FCRL5: variants seen among roughly 807,000 people sequenced by gnomAD.
FCRL5 encodes the protein Fc receptor like 5.
FCRL5 carries 79 observed loss-of-function variants against 92.1 expected under a neutral mutation model. The ratio of observed to expected loss-of-function variants is 0.86; its 90% confidence interval spans 0.72 to 1.03. The LOEUF (loss-of-function observed/expected upper bound fraction) is 1.03, where lower values mean the gene tolerates loss of function less well. FCRL5 is among the 50% of genes least tolerant of loss of function. The probability of loss-of-function intolerance (pLI) is 0.00; values close to 1 mark genes in which losing one functional copy is unlikely to be tolerated. For synonymous variants in FCRL5, 466 were observed against 469.3 expected (o/e 0.99, Z 0.09); for missense variants, 1,160 against 1,181.1 (o/e 0.98, Z 0.26).
At chr1:157,534,513 T>C in intron 8 of FCRL5, 101 bp downstream of exon 8, 1 of 1,400,508 alleles carries the variant, frequency 7.1e-7, no homozygotes, top group Admixed American at 1.7e-5. Flanking sequence ...GGGATTAAGT[T>C]GATTAGGGGA....
rs770615624 is a variant in FCRL5, at chr1:157,534,369, G to T, written c.1681+245C>A. The stretch of plus-strand genomic sequence containing the variant: ...CGTACTGTTGGAACATACAAGGAAT[G>T]AGGAGAAAATACAATAAATAAATTC... On this transcript the variant is annotated intron_variant, in intron 8 of 16. Coordinates refer to ENST00000361835, the MANE Select transcript of FCRL5 (RefSeq NM_031281.3). 3.2e-4 allele frequency: 227 copies of T among 715,688 alleles called. 2 individuals are homozygous for T. In the African/African-American group the frequency reaches 3.4e-3, roughly 11 times the overall value. 44.3% of individuals were successfully genotyped at this position (715,688 alleles called of 1,614,324 possible).
At chr1:157,529,840 A>G (rs2101614857) in intron 8 of FCRL5, among the ~76,000 whole-genome samples, 1 of 152,328 alleles carries the variant, frequency 6.6e-6, no homozygotes, top group Non-Finnish European at 1.5e-5. Context: ...GGTGATGGAT[A>G]AAGTACTACA....
rs1490955450 is a variant in FCRL5 at position 157,514,682 on chromosome 1, A to G, written c.*993T>C. On this transcript the variant is annotated 3_prime_UTR_variant, in exon 17 of 17. Coordinates refer to ENST00000361835, the MANE Select transcript of FCRL5 (RefSeq NM_031281.3). ...CTCTACGCAGACCCACTGAATCAGT[A>G]TCTGTATTTTCACAGGATCCTCAGG... 2 of 152,294 alleles carry G rather than the reference A, an allele frequency of 1.3e-5. No individual in the cohort carries two copies. The highest frequency in any genetic ancestry group is 2.9e-5 in the Non-Finnish European group (2 of 68,090). 9.4% of individuals were successfully genotyped at this position (152,294 alleles called of 1,614,324 possible). A position where few individuals can be genotyped will look rare whatever the true frequency, so the allele number is the denominator to read the frequency against.
chr1:157,523,948 C>A (rs534682110), intron 10 of FCRL5: 2 of 397,938 alleles, frequency 5.0e-6, no homozygotes, highest in Middle Eastern at 6.4e-4. Context: ...ATCCTTTCTA[C>A]GGCAGAGAAA....
At chr1:157,541,915 C>T (rs1467703131) in intron 6 of FCRL5, 2 of 152,324 alleles carry the variant, frequency 1.3e-5, no homozygotes, top group Admixed American at 6.5e-5. Flanking sequence ...ATGTCACTGT[C>T]TCCACTTTCT....
At chr1:157,541,658 G>A (rs1651265737) in intron 6 of FCRL5, among the ~76,000 whole-genome samples, 3 of 152,198 alleles carry the variant, frequency 2.0e-5, no homozygotes, top group Admixed American at 2.0e-4. Flanking sequence ...AGATTGGCAT[G>A]CCTTTCCATC....
chr1:157,516,596 GTATT>G (rs1318356251), intron 15 of FCRL5, among the ~76,000 whole-genome samples: 1 of 152,162 alleles, frequency 6.6e-6, no homozygotes, highest in Non-Finnish European at 1.5e-5. Context: ...CAAATATAGT[GTATT>G]TATTTATCGC....
Position 157,552,471 on chromosome 1 carries a change from C to G in FCRL5, c.-109G>C, listed in dbSNP as rs113006596. 4.4e-6 allele frequency: 5 copies of G among 1,130,118 alleles called. No homozygotes were observed. Among genetic ancestry groups the G allele is most frequent in the Non-Finnish European group, 6.7e-6 (5 of 743,364 alleles). The allele number at this position is 1,130,118 out of a possible 1,614,324, so 70.0% of individuals were successfully genotyped here. Reference sequence around the variant, plus strand: ...GACACTGCACACCAGCTCCAAGGAGCACATCTGAGAAGCTGTGCTCTCAAA... The same window carrying G: ...GACACTGCACACCAGCTCCAAGGAGGACATCTGAGAAGCTGTGCTCTCAAA... On this transcript the variant is annotated 5_prime_UTR_variant, in exon 1 of 17. Coordinates refer to ENST00000361835, the MANE Select transcript of FCRL5 (RefSeq NM_031281.3).
In FCRL5 at chr1:157,517,751, C is replaced by T. The variant is rs142759923; in HGVS notation, c.2812+678G>A. Among the ~76,000 whole-genome samples the T allele has an allele frequency of 9.9e-5, 15 of 152,272 alleles. No homozygotes were observed. The East Asian group carries it at 2.1e-3, about 22-fold the overall frequency. On this transcript the variant is annotated intron_variant, in intron 15 of 16. Coordinates refer to ENST00000361835, the MANE Select transcript of FCRL5 (RefSeq NM_031281.3). Reference sequence around the variant, plus strand: ...CCCCCAAATTTATGGTCATTTGTCACAGCAGCAATCAGAAACTAGTACAGG... The same window carrying T: ...CCCCCAAATTTATGGTCATTTGTCATAGCAGCAATCAGAAACTAGTACAGG...
At chr1:157,544,588 G>T in intron 4 of FCRL5, 42 bp from the exon 5 acceptor site, 1 of 1,597,782 alleles carries the variant, frequency 6.3e-7, no homozygotes, top group Non-Finnish European at 8.6e-7. Context: ...AATGAGGCTG[G>T]AACTGCTTTG....
intron 10 of FCRL5, chr1:157,522,587 C>T (rs1342020067): frequency 2.0e-5 from 3 of 152,198 alleles, no homozygotes; most frequent in African/African-American, 7.2e-5. Context: ...CTGGTGAAGG[C>T]TCAGTGAGTG....
At chr1:157,536,640 C>A (rs1162972914) in intron 7 of FCRL5, among the ~76,000 whole-genome samples, 2 of 152,232 alleles carry the variant, frequency 1.3e-5, no homozygotes, top group African/African-American at 2.4e-5. Context: ...CTTCCCCAAC[C>A]TTATCTTGTG....
At chr1:157,537,703 C>T (rs1052736981) in intron 7 of FCRL5, among the ~76,000 whole-genome samples, 3 of 152,136 alleles carry the variant, frequency 2.0e-5, no homozygotes, top group South Asian at 2.1e-4. Context: ...CATGTGATGT[C>T]GCCCCCGGAC....
chr1:157,540,272 C>T (rs1651195342), intron 6 of FCRL5, among the ~76,000 whole-genome samples: 1 of 151,706 alleles, frequency 6.6e-6, no homozygotes, highest in Non-Finnish European at 1.5e-5. Context: ...TAGGACCTGC[C>T]TCTGTTGTGC....
intron 3 of FCRL5, 44 bp from the exon 4 acceptor site, chr1:157,545,126 C>T: frequency 1.3e-6 from 2 of 1,562,086 alleles, no homozygotes; most frequent in Non-Finnish European, 1.7e-6. Flanking sequence ...CCTACTGTTT[C>T]CCCTTTCTTT....
chr1:157,524,201 G>A (rs773235790), intron 10 of FCRL5, 78 bp downstream of exon 10: 2 of 1,514,710 alleles, frequency 1.3e-6, no homozygotes, highest in Admixed American at 3.5e-5. Flanking sequence ...GAGGAGCTCT[G>A]TGGCTCCATT....
At chr1:157,528,309 C>T (rs1188853580) in intron 8 of FCRL5, 1 of 153,040 alleles carries the variant, frequency 6.5e-6, no homozygotes, top group Admixed American at 6.5e-5. Context: ...TGTAAGAAAT[C>T]GCAGATGACA....
intron 15 of FCRL5, among the ~76,000 whole-genome samples, chr1:157,516,693 C>G (rs953445444): frequency 1.3e-5 from 2 of 152,176 alleles, no homozygotes; most frequent in African/African-American, 4.8e-5. Flanking sequence ...ATATTATCAT[C>G]AAACTGGAGA....
intron 8 of FCRL5, chr1:157,532,560 A>AT (rs1307111528): frequency 1.3e-5 from 2 of 151,620 alleles, no homozygotes; most frequent in Non-Finnish European, 2.9e-5. Context: ...TTTTTTTTAC[A>AT]TTTTCAGTGT....
Sources: gnomAD v4.1 joint callset for allele counts (sites outside exome capture counted in the v4.1 genomes callset) on GRCh38, gnomAD v4.1.1 for gene constraint, MANE v1.5 for transcripts, NCBI Gene and HGNC (gene_info 2026-07-23, HGNC 2026-07-21) for gene names.